Variants in IGF2BP2 observed in about 807,000 individuals in gnomAD.
IGF2BP2 encodes the protein insulin-like growth factor 2 mRNA-binding protein 2.
IGF2BP2 carries 17 observed loss-of-function variants against 75.8 expected under a neutral mutation model. The observed-to-expected ratio is 0.22, with a 90% confidence interval of 0.15 to 0.34. The LOEUF (loss-of-function observed/expected upper bound fraction) is 0.34. Ranked by LOEUF, IGF2BP2 falls within the 10% of genes least tolerant of loss-of-function variation. The pLI is 1.00. For missense variants in IGF2BP2, 516 were observed against 772.4 expected (o/e 0.67, Z 3.93); for synonymous variants, 288 against 295.6 (o/e 0.97, Z 0.26).
At chr3:185,745,476 G>C (rs1167693795) in intron 2 of IGF2BP2, among the ~76,000 whole-genome samples, 1 of 152,196 alleles carries the variant, frequency 6.6e-6, no homozygotes, top group Non-Finnish European at 1.5e-5. Context: ...GGCTGACACA[G>C]AGCAAGGTGT....
chr3:185,681,936 C>T (rs1324711020), intron 7 of IGF2BP2, among the ~76,000 whole-genome samples: 2 of 152,198 alleles, frequency 1.3e-5, no homozygotes, highest in Non-Finnish European at 2.9e-5. Flanking sequence ...AGGACCTAAA[C>T]AGACCTAAAA....
intron 2 of IGF2BP2, among the ~76,000 whole-genome samples, chr3:185,788,710 C>CT (rs1158869748): frequency 0.037 from 3,748 of 100,234 alleles, 331 homozygotes; most frequent in Non-Finnish European, 0.057. Flanking sequence ...TGACAAACGA[C>CT]TTTTTTTTTT....
At chr3:185,680,673 GT>G (rs1280224634) in intron 7 of IGF2BP2, among the ~76,000 whole-genome samples, 1 of 152,228 alleles carries the variant, frequency 6.6e-6, no homozygotes, top group Admixed American at 6.5e-5. Context: ...GCTGGGCGCA[GT>G]GGCTTATGCC....
chr3:185,774,587 T>A (rs1280023838), intron 2 of IGF2BP2, among the ~76,000 whole-genome samples: 3 of 127,428 alleles, frequency 2.4e-5, no homozygotes, highest in Admixed American at 1.5e-4. Context: ...AGAGCGAGAC[T>A]CTGTCTCAAA....
At position 185,687,103 on chromosome 3, in the gene IGF2BP2, G is replaced by A; in HGVS notation, c.766C>T (p.Arg256Cys). ...ATPEGTSEAC[R>C]MILEIMQKEA... The stretch of plus-strand genomic sequence containing the variant: ...TTCTGCATGATTTCAAGAATCATGC[G>A]GCATGCTTCAGAAGTCCCCTCTGGG... The change falls in exon 7 of 16, where the codon CGC (arginine) becomes TGC (cysteine). Residue 256 changes from arginine to cysteine, a missense_variant. By Grantham distance (180) the Arg-to-Cys change is radical (BLOSUM62 -3). This residue lies in a region of IGF2BP2 where 312 missense variants were observed against 474.5 expected (regional missense o/e 0.66). Transcript: ENST00000382199. The A allele has an allele frequency of 6.2e-7, 1 of 1,613,570 alleles. No individual in the cohort carries two copies. The highest frequency in any genetic ancestry group is 8.5e-7 in the Non-Finnish European group (1 of 1,179,850).
At chr3:185,680,660 G>C (rs911199599) in intron 7 of IGF2BP2, among the ~76,000 whole-genome samples, 8 of 152,284 alleles carry the variant, frequency 5.3e-5, no homozygotes, top group African/African-American at 1.9e-4. Flanking sequence ...CAATTAATGG[G>C]GAGCTGGGCG....
At chr3:185,815,155 A>G (rs1740439587) in intron 2 of IGF2BP2, among the ~76,000 whole-genome samples, 1 of 152,204 alleles carries the variant, frequency 6.6e-6, no homozygotes. Context: ...TTTTTAAAAA[A>G]ACCTCTTTCT....
At chr3:185,822,392 C>T (rs1297933006) in intron 2 of IGF2BP2, among the ~76,000 whole-genome samples, 2 of 152,152 alleles carry the variant, frequency 1.3e-5, no homozygotes. Flanking sequence ...TTAAAGTCCA[C>T]AATAAACTTT....
chr3:185,665,506 G>A (rs1202467331), intron 10 of IGF2BP2, among the ~76,000 whole-genome samples: 19 of 127,200 alleles, frequency 1.5e-4, no homozygotes, highest in East Asian at 2.4e-4. Flanking sequence ...GGAGGAGAAG[G>A]AGGAGGAGGA....
At chr3:185,674,459 G>C (rs1718994885) in intron 9 of IGF2BP2, among the ~76,000 whole-genome samples, 1 of 152,138 alleles carries the variant, frequency 6.6e-6, no homozygotes, top group Non-Finnish European at 1.5e-5. Flanking sequence ...TTGTTTGTTT[G>C]TTTGTTTTTT....
intron 2 of IGF2BP2, among the ~76,000 whole-genome samples, chr3:185,781,853 G>A (rs1735244902): frequency 6.6e-6 from 1 of 151,944 alleles, no homozygotes. Flanking sequence ...GGGGTTAGTG[G>A]GTTTGAAGCA....
At chr3:185,687,778 C>T (rs1577972124) in intron 6 of IGF2BP2, among the ~76,000 whole-genome samples, 1 of 152,302 alleles carries the variant, frequency 6.6e-6, no homozygotes, top group East Asian at 1.9e-4. Flanking sequence ...TAGTTGTGGT[C>T]CTACCTGTTT....
At chr3:185,823,107 T>C (rs1741572713) in intron 2 of IGF2BP2, 46 bp downstream of exon 2, 5 of 1,330,710 alleles carry the variant, frequency 3.8e-6, no homozygotes, top group African/African-American at 1.5e-5. Flanking sequence ...TTTTTACTTA[T>C]ACGTAAGGCC....
intron 7 of IGF2BP2, among the ~76,000 whole-genome samples, chr3:185,685,922 G>T (rs1365680551): frequency 6.6e-6 from 1 of 152,130 alleles, no homozygotes; most frequent in Non-Finnish European, 1.5e-5. Context: ...GAGATTATAG[G>T]TATGAGCCAC....
chr3:185,824,823 G>C lies in IGF2BP2; in HGVS notation c.138C>G (p.Pro46=). The C allele has an allele frequency of 6.6e-7, 1 of 1,519,978 alleles. No individual in the cohort carries two copies. The highest frequency in any genetic ancestry group is 1.2e-5 in the South Asian group (1 of 80,494). 94.2% of individuals were successfully genotyped at this position (1,519,978 alleles called of 1,614,324 possible). The change falls in exon 1 of 16, where the codon CCC becomes CCG. Residue 46 remains proline, a synonymous_variant. Transcript: ENST00000382199. ...TGGCGCGGATGGCCCAGTTCTGGTC[G>C]GGGTAGTCCACGAAGGCGTAGCCGG... ...LKSGYAFVDY[P]DQNWAIRAIE...
chr3:185,684,397 CTTT>C (rs1357078069), intron 7 of IGF2BP2, among the ~76,000 whole-genome samples: 1 of 145,628 alleles, frequency 6.9e-6, no homozygotes, highest in African/African-American at 2.5e-5. Flanking sequence ...TGTAGAATTT[CTTT>C]TTTTTTTTTC....
intron 2 of IGF2BP2, among the ~76,000 whole-genome samples, chr3:185,710,236 T>C (rs1004461789): frequency 1.4e-4 from 20 of 146,146 alleles, no homozygotes; most frequent in African/African-American, 5.1e-4. Context: ...TATAATGTAA[T>C]AGCAGCTAGG....
chr3:185,709,615 T>C (rs945228360), intron 2 of IGF2BP2, among the ~76,000 whole-genome samples: 2 of 152,246 alleles, frequency 1.3e-5, no homozygotes, highest in African/African-American at 4.8e-5. Flanking sequence ...CCACCAGTTA[T>C]AACAGATGTT....
At chr3:185,823,268 G>T in intron 1 of IGF2BP2, 55 bp from the exon 2 acceptor site, 1 of 1,385,714 alleles carries the variant, frequency 7.2e-7, no homozygotes, top group Non-Finnish European at 1.0e-6. Flanking sequence ...GCCCGCGGGG[G>T]TCTAGGGGGG....
Sources: gnomAD v4.1 joint callset for allele counts (sites outside exome capture counted in the v4.1 genomes callset) on GRCh38, gnomAD v4.1.1 for gene constraint, gnomAD v4.1.1 regional missense constraint, MANE v1.5 for transcripts, NCBI Gene and HGNC (gene_info 2026-07-23, HGNC 2026-07-21) for gene names.